The following SEPTIN7 variants were observed in gnomAD, a reference collection of about 807,000 sequenced individuals.
SEPTIN7 encodes the protein septin 7, also known as septin-7.
In SEPTIN7, 10 loss-of-function variants were observed where a neutral mutation model predicts 63.3. The ratio of observed to expected loss-of-function variants is 0.16; its 90% CI spans 0.10 to 0.27. The LOEUF (loss-of-function observed/expected upper bound fraction) is 0.27, where lower values mean the gene tolerates loss of function less well. Among genes scored for constraint, SEPTIN7 ranks in the 10% least tolerant of loss-of-function variants. SEPTIN7 has a pLI of 1.00. For missense variants in SEPTIN7, 310 were observed against 521.0 expected, an observed-to-expected ratio of 0.59 and a Z score of 3.94; for synonymous variants, 131 against 165.3, an observed-to-expected ratio of 0.79 and a Z score of 1.59.
intron 10 of SEPTIN7, among the ~76,000 whole-genome samples, chr7:35,886,191 C>T (rs1403990372): frequency 6.6e-6 from 1 of 152,006 alleles, no homozygotes; most frequent in Non-Finnish European, 1.5e-5. Flanking sequence ...AATGTGAAAA[C>T]CTTGTGAAAA....
intron 6 of SEPTIN7, among the ~76,000 whole-genome samples, chr7:35,878,403 G>T (rs1040531790): frequency 1.3e-5 from 2 of 152,098 alleles, no homozygotes; most frequent in South Asian, 4.1e-4. Flanking sequence ...AGTAGGAGGC[G>T]AAAGAAAGGC....
In SEPTIN7 at chr7:35,879,999, CTATTTTTAG is replaced by C. The variant is rs1786729758; in HGVS notation, c.630+63_630+71del. The C allele has an allele frequency of 3.3e-6, 3 of 918,630 alleles. No individual in the cohort carries two copies. The South Asian group carries it at 4.2e-5, about 13-fold the overall frequency. The allele number at this position is 918,630 out of a possible 1,614,324, so 56.9% of individuals were successfully genotyped here. A position where few individuals can be genotyped will look rare whatever the true frequency, so the allele number is the denominator to read the frequency against. On this transcript the variant is annotated intron_variant, in intron 7 of 13. Transcript: ENST00000350320. ...CCGTTCTCATAATTTGCAGTTTTTA[CTATTTTTAG>C]TATAATGTGTTGCAATCCATTCCTC...
chr7:35,915,062 CAG>C, the SEPTIN7 span, among the ~76,000 whole-genome samples: 10 of 149,694 alleles, frequency 6.7e-5, no homozygotes, highest in South Asian at 2.1e-3. Context: ...TATATATACA[CAG>C]ATGCATGCAT....
At chr7:35,892,763 G>GA (rs35580077) in intron 11 of SEPTIN7, among the ~76,000 whole-genome samples, 49,555 of 151,924 alleles carry the variant, frequency 0.33, 8,321 homozygotes, top group East Asian at 0.4. Context: ...TATCCCAGGT[G>GA]AAAACATAAT....
intron 9 of SEPTIN7, among the ~76,000 whole-genome samples, chr7:35,884,662 T>C (rs1217594876): frequency 6.6e-6 from 1 of 152,148 alleles, no homozygotes; most frequent in East Asian, 1.9e-4. Context: ...TTGAAGAAAT[T>C]TGTAAGCCCA....
rs555199380 is a variant in SEPTIN7, at chr7:35,882,468, ACTT to A, written c.631-11_631-9del. Reference sequence around the variant, plus strand: ...TATGTATGGTGCTCTTTTGCTGACTACTTCTTCCATTTTAGATAATGAAAGAAA... The same window carrying A: ...TATGTATGGTGCTCTTTTGCTGACTACTTCCATTTTAGATAATGAAAGAAA... On this transcript the variant is annotated splice_polypyrimidine_tract_variant and intron_variant, in intron 7 of 13. Transcript: ENST00000350320. 11 of 1,442,796 alleles carry A rather than the reference ACTT, an allele frequency of 7.6e-6. No homozygotes were observed. In the African/African-American group the frequency reaches 1.3e-4, roughly 17 times the overall value. 89.4% of individuals were successfully genotyped at this position (1,442,796 alleles called of 1,614,324 possible). A position where few individuals can be genotyped will look rare whatever the true frequency, so the allele number is the denominator to read the frequency against.
chr7:35,914,635 GT>G, the SEPTIN7 span, among the ~76,000 whole-genome samples: 25 of 76,448 alleles, frequency 3.3e-4, no homozygotes, highest in Non-Finnish European at 5.6e-4. Flanking sequence ...CTCTCTTTCT[GT>G]CCCTCTCTCT....
intron 3 of SEPTIN7, among the ~76,000 whole-genome samples, chr7:35,849,877 G>A (rs1784877994): frequency 6.6e-6 from 1 of 151,964 alleles, no homozygotes; most frequent in Admixed American, 6.6e-5. Flanking sequence ...TTGTGATATT[G>A]CCTCCTGGTT....
intron 3 of SEPTIN7, among the ~76,000 whole-genome samples, chr7:35,840,322 A>G (rs1223342595): frequency 6.8e-6 from 1 of 147,624 alleles, no homozygotes; most frequent in African/African-American, 2.5e-5. Context: ...CCAGTGGTAT[A>G]ATCAGAGCTC....
At chr7:35,869,124 T>G (rs111229418) in intron 4 of SEPTIN7, among the ~76,000 whole-genome samples, 5 of 151,932 alleles carry the variant, frequency 3.3e-5, no homozygotes, top group Non-Finnish European at 7.4e-5. Context: ...GGGAAAGAAA[T>G]AAAGGTTTTG....
At chr7:35,883,389 C>T (rs549362857) in intron 8 of SEPTIN7, among the ~76,000 whole-genome samples, 2 of 152,094 alleles carry the variant, frequency 1.3e-5, no homozygotes, top group South Asian at 4.2e-4. Flanking sequence ...TTTCTGGGAG[C>T]CACAGAATTG....
intron 12 of SEPTIN7, chr7:35,902,092 A>T (rs1226856719): frequency 1.3e-5 from 2 of 150,928 alleles, no homozygotes; most frequent in Admixed American, 6.6e-5. Flanking sequence ...ACATTATGTT[A>T]ATGTTAACTC....
intron 1 of SEPTIN7, among the ~76,000 whole-genome samples, chr7:35,814,353 T>G (rs2115734486): frequency 6.6e-6 from 1 of 152,328 alleles, no homozygotes; most frequent in South Asian, 2.1e-4. Flanking sequence ...GTAATTTTAA[T>G]TTGTATTTTC....
Position 35,801,289 on chromosome 7 carries a change from T to G in SEPTIN7, c.61+19T>G. 2 of 1,180,126 alleles carry G rather than the reference T, an allele frequency of 1.7e-6. No homozygotes were observed. The highest frequency in any genetic ancestry group is 2.2e-6 in the Non-Finnish European group (2 of 911,966). The allele number at this position is 1,180,126 out of a possible 1,614,324, so 73.1% of individuals were successfully genotyped here. A position where few individuals can be genotyped will look rare whatever the true frequency, so the allele number is the denominator to read the frequency against. On this transcript the variant is annotated intron_variant, in intron 1 of 13. Coordinates refer to ENST00000350320, the MANE Select transcript of SEPTIN7 (RefSeq NM_001788.6). ...ACCATGGGTGAGTCTCAGCTTCGGG[T>G]GCCGCGACTTGGGGTCAGCGGCTCC...
chr7:35,801,130 C>A lies in SEPTIN7; in HGVS notation c.-80C>A. The A allele has an allele frequency of 8.2e-7, 1 of 1,224,326 alleles. No homozygotes were observed. The highest frequency in any genetic ancestry group is 1.1e-6 in the Non-Finnish European group (1 of 907,262). The allele number at this position is 1,224,326 out of a possible 1,614,324, so 75.8% of individuals were successfully genotyped here. A position where few individuals can be genotyped will look rare whatever the true frequency, so the allele number is the denominator to read the frequency against. On this transcript the variant is annotated 5_prime_UTR_variant, in exon 1 of 14. Transcript: ENST00000350320. ...GCAAGGCAGCTACGCCGGGCGGCTA[C>A]GCTGCGGAATCGGCGTAGGCGCCTT...
At chr7:35,835,089 T>A (rs1241404043) in intron 3 of SEPTIN7, among the ~76,000 whole-genome samples, 1 of 152,202 alleles carries the variant, frequency 6.6e-6, no homozygotes, top group Non-Finnish European at 1.5e-5. Context: ...ATGCTGTGTA[T>A]TCCCATATTT....
chr7:35,890,944 T>C, intron 11 of SEPTIN7, among the ~76,000 whole-genome samples, 151 bp downstream of exon 11: 1 of 152,374 alleles, frequency 6.6e-6, no homozygotes, highest in East Asian at 1.9e-4. Context: ...TGTTATGCTT[T>C]GTTAATAGTA....
chr7:35,836,820 G>A (rs1393582389), intron 3 of SEPTIN7, among the ~76,000 whole-genome samples: 2 of 152,074 alleles, frequency 1.3e-5, no homozygotes, highest in Non-Finnish European at 2.9e-5. Context: ...TATCTAGGCT[G>A]TTGAGCATTT....
chr7:35,865,451 C>T lies in SEPTIN7; in HGVS notation c.276+1793C>T, dbSNP rs903630188. On this transcript the variant is annotated intron_variant, in intron 4 of 13. Coordinates refer to ENST00000350320, the MANE Select transcript of SEPTIN7 (RefSeq NM_001788.6). ...GAAGATTACGTCTGTATTATTTACT[C>T]ATGTTGGGTGTAGTTCTTTTTCATC... is the stretch of plus-strand genomic sequence containing the variant. Among the ~76,000 whole-genome samples, 128 of 152,130 alleles carry T rather than the reference C, an allele frequency of 8.4e-4. 3 individuals are homozygous for T. Among genetic ancestry groups the T allele is most frequent in the Non-Finnish European group, 1.0e-4 (7 of 68,014 alleles).
Sources: gnomAD v4.1 joint callset for allele counts (sites outside exome capture counted in the v4.1 genomes callset) on GRCh38, gnomAD v4.1.1 for gene constraint, MANE v1.5 for transcripts, NCBI Gene and HGNC (gene_info 2026-07-23, HGNC 2026-07-21) for gene names.